Variants in UNC5D observed in about 807,000 individuals in gnomAD.
UNC5D encodes the protein netrin receptor UNC5D.
UNC5D carries 39 observed loss-of-function variants against 105.4 expected under a neutral mutation model. The ratio of observed to expected loss-of-function variants is 0.37; its 90% CI spans 0.29 to 0.48. The LOEUF is 0.48. UNC5D is among the 20% of genes least tolerant of loss of function. UNC5D has a pLI of 0.98. For missense variants in UNC5D, 991 were observed against 1,202.4 expected (o/e 0.82, Z 2.60); for synonymous variants, 452 against 450.4 (o/e 1.00, Z -0.04).
At chr8:35,437,088 C>T (rs919274978) in intron 1 of UNC5D, among the ~76,000 whole-genome samples, 24 of 152,018 alleles carry the variant, frequency 1.6e-4, no homozygotes, top group South Asian at 8.3e-4. Context: ...AATTTCCTGC[C>T]TCAGCTTCAT....
chr8:35,768,369 G>A (rs1168875005), intron 15 of UNC5D, among the ~76,000 whole-genome samples: 1 of 152,132 alleles, frequency 6.6e-6, no homozygotes, highest in Admixed American at 6.5e-5. Context: ...ACCTGGGGTA[G>A]GATATTTTTA....
intron 1 of UNC5D, among the ~76,000 whole-genome samples, chr8:35,537,408 G>A (rs1030582422): frequency 3.9e-5 from 6 of 152,124 alleles, no homozygotes; most frequent in African/African-American, 9.7e-5. Flanking sequence ...GGCAGGATAC[G>A]GTGGCTCATG....
chr8:35,720,403 T>C (rs959780980), intron 8 of UNC5D, among the ~76,000 whole-genome samples: 10 of 152,096 alleles, frequency 6.6e-5, no homozygotes, highest in African/African-American at 1.7e-4. Context: ...AAGGTGAGAG[T>C]GTCATCAGTC....
At chr8:35,699,729 G>A (rs971359921) in intron 7 of UNC5D, among the ~76,000 whole-genome samples, 1 of 152,160 alleles carries the variant, frequency 6.6e-6, no homozygotes, top group Non-Finnish European at 1.5e-5. Flanking sequence ...AAGCTGGGGG[G>A]AGTAGGGTTG....
intron 1 of UNC5D, among the ~76,000 whole-genome samples, chr8:35,333,969 A>T (rs973243311): frequency 6.6e-6 from 1 of 152,210 alleles, no homozygotes; most frequent in African/African-American, 2.4e-5. Context: ...TAAGTGAATA[A>T]ACTATCAACA....
intron 1 of UNC5D, among the ~76,000 whole-genome samples, chr8:35,507,641 T>G (rs1465557615): frequency 2.0e-4 from 29 of 144,262 alleles, no homozygotes; most frequent in African/African-American, 4.6e-4. Context: ...AAAGGGGAGG[T>G]GGGGATGGTT....
At chr8:35,588,412 C>T (rs1198230499) in intron 3 of UNC5D, among the ~76,000 whole-genome samples, 1 of 152,104 alleles carries the variant, frequency 6.6e-6, no homozygotes, top group Non-Finnish European at 1.5e-5. Flanking sequence ...TAAATGGCAC[C>T]TGGTGTGTGT....
At chr8:35,444,154 A>T (rs1303383695) in intron 1 of UNC5D, among the ~76,000 whole-genome samples, 1 of 151,994 alleles carries the variant, frequency 6.6e-6, no homozygotes, top group Non-Finnish European at 1.5e-5. Context: ...CTGAATTGGC[A>T]GTCATTACTG....
intron 4 of UNC5D, among the ~76,000 whole-genome samples, chr8:35,675,595 A>G (rs1363684409): frequency 1.3e-5 from 2 of 152,074 alleles, no homozygotes; most frequent in East Asian, 1.9e-4. Flanking sequence ...GTAGGAGCAC[A>G]TGGTCGATGA....
chr8:35,687,829 G>T (rs1433439147), intron 7 of UNC5D, among the ~76,000 whole-genome samples: 2 of 152,126 alleles, frequency 1.3e-5, no homozygotes, highest in African/African-American at 4.8e-5. Context: ...CAGAGTAGGT[G>T]CACACTTGAT....
At chr8:35,326,570 C>T in intron 1 of UNC5D, among the ~76,000 whole-genome samples, 1 of 152,154 alleles carries the variant, frequency 6.6e-6, no homozygotes, top group East Asian at 1.9e-4. Flanking sequence ...GCCTGGGCAG[C>T]ATAGCAAGAC....
chr8:35,668,718 A>ATAGTT (rs1824587091), intron 4 of UNC5D, among the ~76,000 whole-genome samples: 1 of 152,146 alleles, frequency 6.6e-6, no homozygotes, highest in Non-Finnish European at 1.5e-5. Flanking sequence ...GTAGGAAAGT[A>ATAGTT]TAGTTTATTG....
At chr8:35,570,799 A>G (rs1289909693) in intron 3 of UNC5D, among the ~76,000 whole-genome samples, 2 of 151,874 alleles carry the variant, frequency 1.3e-5, no homozygotes, top group Non-Finnish European at 2.9e-5. Context: ...ACTGAAAAAA[A>G]AAGAAAAAAT....
At chr8:35,507,106 A>C (rs1464663272) in intron 1 of UNC5D, among the ~76,000 whole-genome samples, 7 of 113,940 alleles carry the variant, frequency 6.1e-5, no homozygotes, top group Non-Finnish European at 1.1e-4. Flanking sequence ...CCCAGGCTGG[A>C]GTGCAGTGGC....
At chr8:35,707,273 G>A (rs1291171026) in intron 8 of UNC5D, among the ~76,000 whole-genome samples, 1 of 152,120 alleles carries the variant, frequency 6.6e-6, no homozygotes, top group East Asian at 1.9e-4. Flanking sequence ...GAAGGCTGGA[G>A]ATACAAAGAT....
intron 8 of UNC5D, among the ~76,000 whole-genome samples, chr8:35,713,867 A>C (rs1828103189): frequency 1.3e-5 from 2 of 152,216 alleles, no homozygotes; most frequent in African/African-American, 4.8e-5. Context: ...AATAGGGTTC[A>C]CCTAGATGAG....
At chr8:35,281,641 T>C (rs1326096404) in intron 1 of UNC5D, among the ~76,000 whole-genome samples, 1 of 152,136 alleles carries the variant, frequency 6.6e-6, no homozygotes, top group African/African-American at 2.4e-5. Context: ...CTATGCTACC[T>C]TCCCTGAAGA....
At chr8:35,371,178 AC>A (rs1802408904) in intron 1 of UNC5D, among the ~76,000 whole-genome samples, 1 of 39,370 alleles carries the variant, frequency 2.5e-5, no homozygotes, top group African/African-American at 1.4e-4. Context: ...GTGCCACTGC[AC>A]ACACACACAC....
intron 4 of UNC5D, among the ~76,000 whole-genome samples, chr8:35,665,922 TAAAG>T (rs1046143962): frequency 9.2e-5 from 14 of 151,888 alleles, no homozygotes; most frequent in African/African-American, 3.2e-4. Flanking sequence ...TTTCACAAAA[TAAAG>T]AATCAAATAT....
Sources: allele counts gnomAD v4.1 joint callset (sites outside exome capture counted in the v4.1 genomes callset), GRCh38; gene constraint gnomAD v4.1.1; transcripts MANE v1.5; gene names NCBI Gene and HGNC (gene_info 2026-07-23, HGNC 2026-07-21).